Variants in FSTL4 observed in about 807,000 individuals in gnomAD.
FSTL4 encodes follistatin like 4, also known as follistatin-related protein 4.
FSTL4 carries 28 observed loss-of-function variants against 78.2 expected under a neutral mutation model. That is an observed-to-expected ratio of 0.36 (90% CI 0.27 to 0.49). FSTL4 has a LOEUF of 0.49. Ranked by LOEUF, FSTL4 falls within the 20% of genes least tolerant of loss-of-function variation. The probability of loss-of-function intolerance (pLI) is 0.98; values close to 1 mark genes in which losing one functional copy is unlikely to be tolerated. For missense variants in FSTL4, 922 were observed against 1,084.9 expected, an observed-to-expected ratio of 0.85 and a Z score of 2.11; for synonymous variants, 422 against 440.5, an observed-to-expected ratio of 0.96 and a Z score of 0.53.
chr5:133,447,250 C>CT (rs1213890128), intron 3 of FSTL4, among the ~76,000 whole-genome samples: 1 of 152,234 alleles, frequency 6.6e-6, no homozygotes, highest in African/African-American at 2.4e-5. Flanking sequence ...GTCCAAGCCT[C>CT]TATATGGCCA....
chr5:133,835,816 C>T, the FSTL4 span, among the ~76,000 whole-genome samples: 27 of 152,218 alleles, frequency 1.8e-4, no homozygotes, highest in Admixed American at 3.9e-4. Context: ...AATTTCCTAC[C>T]GTGATTATAA....
intron 4 of FSTL4, among the ~76,000 whole-genome samples, chr5:133,330,991 C>G (rs1754332076): frequency 6.6e-6 from 1 of 152,170 alleles, no homozygotes; most frequent in African/African-American, 2.4e-5. Flanking sequence ...TGGTCAAAAA[C>G]AGGGGGGCAG....
rs1487724732 is a variant in FSTL4 at position 133,210,280 on chromosome 5, G to C, written c.1627C>G (p.Leu543Val). 6.2e-7 allele frequency: 1 copy of C among 1,605,372 alleles called. No individual in the cohort carries two copies. The highest frequency in any genetic ancestry group is 1.3e-5 in the African/African-American group (1 of 74,778). Residue 543 changes from leucine to valine, a missense_variant, in exon 14 of 16, where the codon CTG becomes GTG. Coordinates refer to ENST00000265342, the MANE Select transcript of FSTL4 (RefSeq NM_015082.2). Reference protein sequence around the residue: ...KVLQSIGVDPLPAKLSYDKSH... With the variant: ...KVLQSIGVDPVPAKLSYDKSH... The stretch of plus-strand genomic sequence containing the variant: ...TTGTCATAGGACAGCTTAGCCGGCA[G>C]AGGGTCCACACCTATGGACTTGAAA...
the FSTL4 span, among the ~76,000 whole-genome samples, chr5:133,780,008 C>T: frequency 6.6e-6 from 1 of 152,180 alleles, no homozygotes; most frequent in Non-Finnish European, 1.5e-5. Context: ...GACCCAATAC[C>T]TCTGGGGAGC....
At chr5:133,468,688 G>T (rs1757759799) in intron 3 of FSTL4, among the ~76,000 whole-genome samples, 1 of 152,152 alleles carries the variant, frequency 6.6e-6, no homozygotes, top group Non-Finnish European at 1.5e-5. Flanking sequence ...TCCCAGACCT[G>T]AGACTCAGTG....
the FSTL4 span, among the ~76,000 whole-genome samples, chr5:133,789,822 G>A: frequency 6.6e-6 from 1 of 152,126 alleles, no homozygotes; most frequent in South Asian, 2.1e-4. Context: ...CTTCTTATAA[G>A]GACATGAATT....
chr5:133,378,993 A>G (rs1048770471), intron 4 of FSTL4, among the ~76,000 whole-genome samples: 12 of 152,204 alleles, frequency 7.9e-5, no homozygotes, highest in African/African-American at 2.9e-4. Context: ...TGGATAAAAA[A>G]GTAATATTCA....
chr5:133,590,796 T>TG (rs1760607124), intron 2 of FSTL4, among the ~76,000 whole-genome samples: 1 of 152,174 alleles, frequency 6.6e-6, no homozygotes, highest in African/African-American at 2.4e-5. Context: ...AGAAATGTAT[T>TG]GGCTCACAGT....
chr5:133,198,829 C>T lies in FSTL4; in HGVS notation c.*266G>A. 3.0e-6 allele frequency: 1 copy of T among 333,858 alleles called. No individual in the cohort carries two copies. 20.7% of individuals were successfully genotyped at this position (333,858 alleles called of 1,614,324 possible). ...TGATGTCCCCAGGTCACTCGGTGTG[C>T]AGCTTGGCACAGAAATGATCCCTTT... On this transcript the variant is annotated 3_prime_UTR_variant, in exon 16 of 16. Transcript: ENST00000265342.
intron 3 of FSTL4, among the ~76,000 whole-genome samples, chr5:133,446,868 C>T (rs898734123): frequency 6.6e-6 from 1 of 152,238 alleles, no homozygotes; most frequent in Admixed American, 6.5e-5. Context: ...ACCTCAGTCT[C>T]AGGCACTCTG....
At chr5:133,438,620 C>T (rs376820347) in intron 3 of FSTL4, among the ~76,000 whole-genome samples, 10 of 152,122 alleles carry the variant, frequency 6.6e-5, no homozygotes, top group East Asian at 1.9e-4. Context: ...AAGTGTGGGA[C>T]GAGTGAGGAA....
intron 2 of FSTL4, 28 bp from the exon 3 acceptor site, chr5:133,567,247 T>C (rs1760045709): frequency 1.3e-6 from 2 of 1,565,134 alleles, no homozygotes; most frequent in South Asian, 2.2e-5. Context: ...CTTTGTGTTT[T>C]CTGAAGAATA....
chr5:133,217,163 A>G lies in FSTL4; in HGVS notation c.1608+66T>C. ...AGGAGCTGGGGAGTATGCAGAAAGC[A>G]AAGAAGAATGTGGCAGGCTGTGCCC... is the stretch of plus-strand genomic sequence containing the variant. On this transcript the variant is annotated intron_variant, in intron 13 of 15. Coordinates refer to ENST00000265342, the MANE Select transcript of FSTL4 (RefSeq NM_015082.2). 3.6e-6 allele frequency: 5 copies of G among 1,395,626 alleles called. No individual in the cohort carries two copies. In the South Asian group the frequency reaches 4.9e-5, roughly 14 times the overall value. 86.5% of individuals were successfully genotyped at this position (1,395,626 alleles called of 1,614,324 possible). A position where few individuals can be genotyped will look rare whatever the true frequency, so the allele number is the denominator to read the frequency against.
chr5:133,670,409 G>A, the FSTL4 span, among the ~76,000 whole-genome samples: 285 of 152,342 alleles, frequency 1.9e-3, 1 homozygote, highest in Middle Eastern at 0.01. Flanking sequence ...AAAGGAAAGC[G>A]TGGGCAAGGC....
chr5:133,491,468 C>T (rs1255440543), intron 3 of FSTL4, among the ~76,000 whole-genome samples: 3 of 150,430 alleles, frequency 2.0e-5, no homozygotes, highest in African/African-American at 7.4e-5. Context: ...GGAACTATCT[C>T]GGCTCACTGC....
At chr5:133,788,220 A>G in the FSTL4 span, among the ~76,000 whole-genome samples, 4,710 of 152,248 alleles carry the variant, frequency 0.031, 249 homozygotes, top group African/African-American at 0.11. Context: ...GGAGAGTCCA[A>G]GCCTGGGAAG....
chr5:133,593,729 GTAC>G (rs1306078939), intron 2 of FSTL4, among the ~76,000 whole-genome samples: 1 of 152,166 alleles, frequency 6.6e-6, no homozygotes, highest in Non-Finnish European at 1.5e-5. Flanking sequence ...TAATAAAGAT[GTAC>G]TTCCTTCTTT....
rs1348131295 is a variant in FSTL4, at chr5:133,405,452, G to C, written c.161-4466C>G. Among the ~76,000 whole-genome samples, 3 of 152,194 alleles carry C rather than the reference G, an allele frequency of 2.0e-5. No homozygotes were observed. The East Asian group carries it at 5.8e-4, about 29-fold the overall frequency. On this transcript the variant is annotated intron_variant, in intron 3 of 15. Coordinates refer to ENST00000265342, the MANE Select transcript of FSTL4 (RefSeq NM_015082.2). ...AAGTGCCTGCCCATGGGCAGATACA[G>C]CCCTTACACATGGCCTTATATACTT...
At chr5:133,614,392 C>A (rs1465435513), upstream of FSTL4, among the ~76,000 whole-genome samples, 1 of 152,178 alleles carries the variant, frequency 6.6e-6, no homozygotes, top group Admixed American at 6.5e-5. Context: ...GTAGTTGCTG[C>A]AAACCAGATG....
Sources: gnomAD v4.1 joint callset for allele counts (sites outside exome capture counted in the v4.1 genomes callset) on GRCh38, gnomAD v4.1.1 for gene constraint, MANE v1.5 for transcripts, NCBI Gene and HGNC (gene_info 2026-07-23, HGNC 2026-07-21) for gene names.